Variants in TSPAN11 observed in about 807,000 individuals in gnomAD.
The protein encoded by TSPAN11 is tetraspanin 11.
TSPAN11 carries 29 observed loss-of-function variants against 32.9 expected under a neutral mutation model. That is an observed-to-expected ratio of 0.88 (90% CI 0.66 to 1.20). The LOEUF (loss-of-function observed/expected upper bound fraction) is 1.20, where lower values mean the gene tolerates loss of function less well. Ranked by LOEUF, TSPAN11 falls within the 50% of genes most tolerant of loss-of-function variation. The pLI is 0.00. For missense variants in TSPAN11, 283 were observed against 329.1 expected, an observed-to-expected ratio of 0.86 and a Z score of 1.08; for synonymous variants, 140 against 141.3, an observed-to-expected ratio of 0.99 and a Z score of 0.07.
intron 1 of TSPAN11, among the ~76,000 whole-genome samples, chr12:30,942,368 T>C (rs1938184066): frequency 6.6e-6 from 1 of 152,178 alleles, no homozygotes; most frequent in Admixed American, 6.5e-5. Context: ...ACAGGATTTG[T>C]CCAGGGTCAA....
chr12:31,000,275 GC>G (rs1266284780), downstream of TSPAN11, among the ~76,000 whole-genome samples: 6 of 152,194 alleles, frequency 3.9e-5, no homozygotes, highest in Non-Finnish European at 8.8e-5. Flanking sequence ...GCTCCTGCAG[GC>G]AGCAGCTCAT....
chr12:30,987,434 C>T (rs1939221578), intron 7 of TSPAN11, among the ~76,000 whole-genome samples: 1 of 152,102 alleles, frequency 6.6e-6, no homozygotes, highest in Non-Finnish European at 1.5e-5. Flanking sequence ...TGGTGAAACC[C>T]CGTCTCTACT....
intron 1 of TSPAN11, among the ~76,000 whole-genome samples, chr12:30,950,753 C>T (rs1938365953): frequency 6.6e-6 from 1 of 152,176 alleles, no homozygotes; most frequent in Admixed American, 6.5e-5. Context: ...GTTTCCAGCT[C>T]ATGGCCCAGG....
At chr12:30,958,442 TGCAC>T (rs1222017215) in intron 2 of TSPAN11, among the ~76,000 whole-genome samples, 3 of 152,072 alleles carry the variant, frequency 2.0e-5, no homozygotes, top group African/African-American at 7.2e-5. Context: ...CAGCACCTGA[TGCAC>T]GCTTTCATGT....
chr12:30,998,418 G>C (rs369717122), downstream of TSPAN11, among the ~76,000 whole-genome samples: 15 of 152,334 alleles, frequency 9.8e-5, 1 homozygote, highest in East Asian at 2.9e-3. Flanking sequence ...GCCTCTCCAT[G>C]GCTGAAGAGA....
rs144147555 is a variant in TSPAN11 at position 30,982,271 on chromosome 12, T to C, written c.457-261T>C. Among the ~76,000 whole-genome samples, 187 of 152,168 alleles carry C rather than the reference T, an allele frequency of 1.2e-3. 2 individuals carry two copies. The highest frequency in any genetic ancestry group is 4.2e-3 in the African/African-American group (174 of 41,524). On this transcript the variant is annotated intron_variant, in intron 5 of 7. Coordinates refer to ENST00000546076, the MANE Select transcript of TSPAN11 (RefSeq NM_001370302.1). Reference sequence around the variant, plus strand: ...CCTGCCCCCAAGACACCCAGCATAATCTCCTTAAAGGACTTGGGTGGCTAA... The same window carrying C: ...CCTGCCCCCAAGACACCCAGCATAACCTCCTTAAAGGACTTGGGTGGCTAA...
intron 7 of TSPAN11, among the ~76,000 whole-genome samples, chr12:30,987,956 G>C (rs1455258470): frequency 6.6e-6 from 1 of 152,256 alleles, no homozygotes; most frequent in Admixed American, 6.5e-5. Context: ...TTGCTAAACA[G>C]TGGCCCTTGC....
intron 1 of TSPAN11, among the ~76,000 whole-genome samples, chr12:30,930,666 G>C (rs554129179): frequency 6.6e-6 from 1 of 152,334 alleles, no homozygotes; most frequent in East Asian, 1.9e-4. Flanking sequence ...CCAGGTATCT[G>C]ATGACCACAG....
At chr12:31,000,793 C>T (rs909392615), downstream of TSPAN11, among the ~76,000 whole-genome samples, 7 of 152,236 alleles carry the variant, frequency 4.6e-5, no homozygotes, top group African/African-American at 1.7e-4. Flanking sequence ...CCATGCTGGT[C>T]TCTGCCCTCT....
intron 3 of TSPAN11, among the ~76,000 whole-genome samples, chr12:30,977,291 G>A (rs546781339): frequency 6.0e-5 from 9 of 149,894 alleles, no homozygotes; most frequent in East Asian, 2.0e-4. Flanking sequence ...CACCGCCCCC[G>A]CTCCGCCGCC....
chr12:30,941,831 C>G (rs1417055424), intron 1 of TSPAN11, among the ~76,000 whole-genome samples: 1 of 152,262 alleles, frequency 6.6e-6, no homozygotes, highest in Non-Finnish European at 1.5e-5. Flanking sequence ...TCTCCTTTTG[C>G]TGCGCCTTGC....
chr12:30,982,229 C>A (rs964270466), intron 5 of TSPAN11, among the ~76,000 whole-genome samples: 9 of 152,128 alleles, frequency 5.9e-5, no homozygotes, highest in African/African-American at 2.2e-4. Flanking sequence ...CTCTGGGGAC[C>A]CACCTCGCAG....
intron 1 of TSPAN11, among the ~76,000 whole-genome samples, chr12:30,936,844 G>A (rs1056303779): frequency 6.6e-6 from 1 of 152,164 alleles, no homozygotes; most frequent in African/African-American, 2.4e-5. Context: ...ATAAATGGGG[G>A]TAGCAAAGAG....
chr12:30,932,687 G>C (rs1937958226), intron 1 of TSPAN11, among the ~76,000 whole-genome samples: 1 of 152,096 alleles, frequency 6.6e-6, no homozygotes, highest in African/African-American at 2.4e-5. Flanking sequence ...AAAACCTATG[G>C]AACCGCAGCA....
In TSPAN11 at chr12:30,963,807, A is replaced by G; in HGVS notation, c.85-19A>G. ...GAGGCCCCCGCCACCCCCTGCTCTA[A>G]CCCGGTGGTCTCCTGCAGGTCGGGG... is the stretch of plus-strand genomic sequence containing the variant. On this transcript the variant is annotated intron_variant, in intron 2 of 7. Transcript: ENST00000546076. 1 of 1,602,564 alleles carries G rather than the reference A, an allele frequency of 6.2e-7. No homozygotes were observed. Among genetic ancestry groups the G allele is most frequent in the African/African-American group, 1.3e-5 (1 of 75,000 alleles).
At chr12:31,003,137 T>C in the TSPAN11 span, among the ~76,000 whole-genome samples, 21 of 152,340 alleles carry the variant, frequency 1.4e-4, no homozygotes, top group African/African-American at 4.8e-4. Context: ...CTAACTCTGA[T>C]GTTGGCAAGG....
At chr12:30,939,030 C>T (rs1044599512) in intron 1 of TSPAN11, among the ~76,000 whole-genome samples, 8 of 151,904 alleles carry the variant, frequency 5.3e-5, no homozygotes, top group East Asian at 3.9e-4. Context: ...ACCAGGAGTT[C>T]GAGACCAGCC....
chr12:30,959,388 G>T (rs1047857054), intron 2 of TSPAN11, among the ~76,000 whole-genome samples: 1 of 152,118 alleles, frequency 6.6e-6, no homozygotes, highest in African/African-American at 2.4e-5. Flanking sequence ...AGAGAACAAT[G>T]CGTGAAAGGT....
intron 1 of TSPAN11, among the ~76,000 whole-genome samples, chr12:30,935,023 T>A (rs1230305637): frequency 6.6e-6 from 1 of 152,112 alleles, no homozygotes; most frequent in South Asian, 2.1e-4. Context: ...AATTCCCCTT[T>A]CTTTGGTCAT....
Sources: allele counts gnomAD v4.1 joint callset (sites outside exome capture counted in the v4.1 genomes callset), GRCh38; gene constraint gnomAD v4.1.1; transcripts MANE v1.5; gene names NCBI Gene and HGNC (gene_info 2026-07-23, HGNC 2026-07-21).